CDK14: variants seen among roughly 807,000 people sequenced by gnomAD.
CDK14 encodes the protein cyclin-dependent kinase 14.
In CDK14, 34 loss-of-function variants were observed where a neutral mutation model predicts 60.7. The ratio of observed to expected loss-of-function variants is 0.56; its 90% CI spans 0.43 to 0.75. The LOEUF is 0.75. Among genes scored for constraint, CDK14 ranks in the 30% least tolerant of loss-of-function variants. The pLI, the probability that CDK14 is intolerant of heterozygous loss-of-function variation, is 0.00. For missense variants in CDK14, 482 were observed against 564.1 expected (o/e 0.85, Z 1.47); for synonymous variants, 197 against 203.7 (o/e 0.97, Z 0.28).
intron 8 of CDK14, among the ~76,000 whole-genome samples, chr7:90,931,483 C>T (rs1793589498): frequency 6.6e-6 from 1 of 152,214 alleles, no homozygotes; most frequent in African/African-American, 2.4e-5. Flanking sequence ...ACAAGGTGCT[C>T]ATTGGACTCT....
intron 3 of CDK14, among the ~76,000 whole-genome samples, chr7:90,742,301 T>C (rs1390949994): frequency 2.0e-5 from 3 of 152,032 alleles, no homozygotes; most frequent in Non-Finnish European, 4.4e-5. Context: ...TTTGCCTAAG[T>C]CAATTTGGGT....
At chr7:91,112,201 A>C (rs1562909195) in intron 12 of CDK14, among the ~76,000 whole-genome samples, 1 of 152,190 alleles carries the variant, frequency 6.6e-6, no homozygotes, top group Non-Finnish European at 1.5e-5. Context: ...ATGTGGGTAT[A>C]GTACATAGAT....
At chr7:90,976,651 A>G (rs1377875403) in intron 9 of CDK14, among the ~76,000 whole-genome samples, 3 of 152,098 alleles carry the variant, frequency 2.0e-5, no homozygotes, top group Non-Finnish European at 2.9e-5. Flanking sequence ...GTAATCAACC[A>G]TGGCACCTGT....
At chr7:90,784,864 G>A (rs546744118) in intron 4 of CDK14, among the ~76,000 whole-genome samples, 1 of 152,240 alleles carries the variant, frequency 6.6e-6, no homozygotes, top group Admixed American at 6.5e-5. Context: ...ATACAGTATA[G>A]TGAGCATTTT....
At chr7:90,741,991 A>T (rs535458609) in intron 3 of CDK14, among the ~76,000 whole-genome samples, 3 of 152,230 alleles carry the variant, frequency 2.0e-5, no homozygotes, top group African/African-American at 4.8e-5. Flanking sequence ...TTCATGAAAT[A>T]AATCTCATTT....
Position 90,649,350 on chromosome 7 carries a change from TTCCTTCCTTCCTTCCTTTCC to T in CDK14, c.123+45103_123+45122del, listed in dbSNP as rs1563029942. Among the ~76,000 whole-genome samples the T allele has an allele frequency of 1.5e-3, 73 of 49,130 alleles. 4 individuals are homozygous for T. The highest frequency in any genetic ancestry group is 5.7e-3 in the African/African-American group (44 of 7,764). The allele number at this position is 49,130 out of a possible 152,430, so 32.2% of individuals were successfully genotyped here. The stretch of plus-strand genomic sequence containing the variant: ...CTTCCTTCCTTCCTTCCTTCCTTCC[TTCCTTCCTTCCTTCCTTTCC>T]TTCCTTCCTTCCTTCCTTCCTTCCT... On this transcript the variant is annotated intron_variant, in intron 2 of 14. Transcript: ENST00000380050.
chr7:90,718,084 A>G (rs1430792950), intron 2 of CDK14, among the ~76,000 whole-genome samples: 1 of 152,096 alleles, frequency 6.6e-6, no homozygotes, highest in Non-Finnish European at 1.5e-5. Context: ...TGGTTGTGAC[A>G]GTGACAATGA....
Position 91,096,872 on chromosome 7 carries a change from G to A in CDK14, c.1155-15670G>A, listed in dbSNP as rs138078529. Among the ~76,000 whole-genome samples, 574 of 152,290 alleles carry A rather than the reference G, an allele frequency of 3.8e-3. 2 individuals carry two copies. The highest frequency in any genetic ancestry group is 5.3e-3 in the Non-Finnish European group (358 of 68,018). On this transcript the variant is annotated intron_variant, in intron 12 of 14. Coordinates refer to ENST00000380050, the MANE Select transcript of CDK14 (RefSeq NM_001287135.2). ...ATGTTTTTGCATATGGAGGAGATTC[G>A]TAAAACTAGCTACATTGCTAAGAGA...
chr7:90,621,663 T>TTCCTGCCTTCCTGCCTTCCTGCCTTCCTG (rs1554421126), intron 2 of CDK14, among the ~76,000 whole-genome samples: 43 of 112,678 alleles, frequency 3.8e-4, no homozygotes, highest in South Asian at 6.5e-4. Context: ...CTTCCTTCCT[T>TTCCTGCCTTCCTGCCTTCCTGCCTTCCTG]CCTTCCTGCC....
intron 12 of CDK14, chr7:91,107,742 T>C (rs1200266228): frequency 1.3e-5 from 2 of 152,230 alleles, no homozygotes; most frequent in Non-Finnish European, 2.9e-5. Flanking sequence ...TGTCCTACAA[T>C]GCAGCTGCAC....
intron 6 of CDK14, among the ~76,000 whole-genome samples, chr7:90,868,265 A>G (rs758815776): frequency 6.6e-6 from 1 of 150,706 alleles, no homozygotes; most frequent in Non-Finnish European, 1.5e-5. Context: ...ATACATATAT[A>G]TTACATATAT....
chr7:91,187,505 A>C (rs1348742853), intron 14 of CDK14, among the ~76,000 whole-genome samples: 1 of 152,216 alleles, frequency 6.6e-6, no homozygotes, highest in Non-Finnish European at 1.5e-5. Flanking sequence ...AATATTTATG[A>C]AGTGATCCCT....
At chr7:90,869,585 G>A (rs1450058304) in intron 6 of CDK14, among the ~76,000 whole-genome samples, 1 of 152,190 alleles carries the variant, frequency 6.6e-6, no homozygotes, top group East Asian at 1.9e-4. Context: ...ATCTCTGGCT[G>A]CTTTCTTAAG....
intron 14 of CDK14, among the ~76,000 whole-genome samples, chr7:91,150,926 A>C (rs960180099): frequency 6.6e-6 from 1 of 152,236 alleles, no homozygotes; most frequent in East Asian, 1.9e-4. Flanking sequence ...AGGTATTACT[A>C]TAATAAATAC....
At chr7:90,790,468 T>C in intron 4 of CDK14, 105 bp from the exon 5 acceptor site, 1 of 653,868 alleles carries the variant, frequency 1.5e-6, no homozygotes, top group Non-Finnish European at 2.5e-6. Flanking sequence ...CTGACATTTT[T>C]AGCATAAAAG....
chr7:90,825,611 A>G (rs1011376689), intron 5 of CDK14, among the ~76,000 whole-genome samples: 8 of 152,200 alleles, frequency 5.3e-5, no homozygotes, highest in Non-Finnish European at 1.0e-4. Context: ...AGGGATTATT[A>G]TTAGATAATT....
chr7:90,757,633 G>T (rs189924248), intron 4 of CDK14, among the ~76,000 whole-genome samples: 80 of 148,694 alleles, frequency 5.4e-4, no homozygotes, highest in African/African-American at 1.9e-3. Context: ...GTCTCACTCT[G>T]TCGCCCAGGC....
chr7:90,951,769 T>C (rs1411225929), intron 8 of CDK14, among the ~76,000 whole-genome samples: 1 of 152,218 alleles, frequency 6.6e-6, no homozygotes, highest in African/African-American at 2.4e-5. Context: ...GTGCATTTGC[T>C]CCTGGACTCT....
intron 2 of CDK14, among the ~76,000 whole-genome samples, chr7:90,637,248 T>TC (rs937013367): frequency 4.6e-5 from 7 of 151,082 alleles, no homozygotes; most frequent in African/African-American, 1.7e-4. Context: ...TTTGGATCTT[T>TC]CCTGCTTTCT....
Sources: gnomAD v4.1 joint callset for allele counts (sites outside exome capture counted in the v4.1 genomes callset) on GRCh38, gnomAD v4.1.1 for gene constraint, MANE v1.5 for transcripts, NCBI Gene and HGNC (gene_info 2026-07-23, HGNC 2026-07-21) for gene names.